The following FGD6 variants were observed in gnomAD, a reference collection of about 807,000 sequenced individuals.
The protein encoded by FGD6 is FYVE, RhoGEF and PH domain containing 6, also known as FYVE, RhoGEF and PH domain-containing protein 6.
Under a neutral mutation model 149.4 loss-of-function variants are expected in FGD6, and 90 were observed. The observed-to-expected ratio is 0.60, with a 90% CI of 0.51 to 0.72. FGD6 has a LOEUF of 0.72. Ranked by LOEUF, FGD6 falls within the 30% of genes least tolerant of loss-of-function variation. FGD6 has a pLI of 0.00. For missense variants in FGD6, 1,437 were observed against 1,684.8 expected, an observed-to-expected ratio of 0.85 and a Z score of 2.57; for synonymous variants, 527 against 584.0, an observed-to-expected ratio of 0.90 and a Z score of 1.41.
chr12:95,108,668 A>C, intron 9 of FGD6, 107 bp from the exon 10 acceptor site: 1 of 1,255,212 alleles, frequency 8.0e-7, no homozygotes, highest in Non-Finnish European at 1.1e-6. Context: ...ATAGCAACCA[A>C]CCTCTGGAGG....
intron 8 of FGD6, among the ~76,000 whole-genome samples, chr12:95,116,183 A>G (rs1305065250): frequency 1.3e-5 from 2 of 152,204 alleles, no homozygotes; most frequent in South Asian, 2.1e-4. Flanking sequence ...TGCATTCAAT[A>G]TATTACATAA....
At chr12:95,193,910 A>G (rs1881666457) in intron 2 of FGD6, among the ~76,000 whole-genome samples, 1 of 151,534 alleles carries the variant, frequency 6.6e-6, no homozygotes. Context: ...GTTACATTTT[A>G]TTTTCTACTT....
chr12:95,135,108 C>T (rs1005999457), intron 7 of FGD6, among the ~76,000 whole-genome samples: 2 of 152,168 alleles, frequency 1.3e-5, no homozygotes, highest in South Asian at 2.1e-4. Context: ...TAGCCACAGT[C>T]TGTGTCCTAG....
chr12:95,126,524 T>C, intron 8 of FGD6: 1 of 460,718 alleles, frequency 2.2e-6, no homozygotes, highest in Non-Finnish European at 3.9e-6. Flanking sequence ...AGGTCAGGAG[T>C]TTGAGAACAG....
chr12:95,165,066 C>T (rs1467274207), intron 3 of FGD6, among the ~76,000 whole-genome samples: 1 of 151,998 alleles, frequency 6.6e-6, no homozygotes, highest in Non-Finnish European at 1.5e-5. Context: ...AGCATTTAAG[C>T]CCTGAAAGGA....
chr12:95,153,041 G>A, intron 3 of FGD6, 48 bp from the exon 4 acceptor site: 1 of 1,539,720 alleles, frequency 6.5e-7, no homozygotes, highest in Non-Finnish European at 9.0e-7. Flanking sequence ...GAATAATGAA[G>A]ATCAGCTATG....
chr12:95,182,498 G>C (rs1383829054), intron 2 of FGD6, among the ~76,000 whole-genome samples: 1 of 152,114 alleles, frequency 6.6e-6, no homozygotes, highest in African/African-American at 2.4e-5. Flanking sequence ...ACCTTGCCCA[G>C]CCTATACATA....
chr12:95,121,475 ATATATG>A (rs1310218629), intron 8 of FGD6, among the ~76,000 whole-genome samples: 4,500 of 54,638 alleles, frequency 0.082, 187 homozygotes, highest in African/African-American at 0.24. Context: ...ATATATATAT[ATATATG>A]TATATATATA....
chr12:95,142,457 T>C (rs1017048372), intron 5 of FGD6, among the ~76,000 whole-genome samples: 1 of 152,086 alleles, frequency 6.6e-6, no homozygotes, highest in Non-Finnish European at 1.5e-5. Context: ...TTTCTATTTT[T>C]TGTAGAGACA....
At position 95,089,720 on chromosome 12, in the gene FGD6, T is replaced by A; in HGVS notation, c.3851-24A>T. On this transcript the variant is annotated intron_variant, in intron 17 of 20. Coordinates refer to ENST00000343958, the MANE Select transcript of FGD6 (RefSeq NM_018351.4). Reference sequence around the variant, plus strand: ...ATCTAGAACAAATCAGGCATGCTTATGTAGGCAATGCTCAGCATTTTGCAA... The same window carrying A: ...ATCTAGAACAAATCAGGCATGCTTAAGTAGGCAATGCTCAGCATTTTGCAA... The A allele has an allele frequency of 1.9e-6, 3 of 1,610,894 alleles. No individual in the cohort carries two copies. The South Asian group carries it at 3.3e-5, about 18-fold the overall frequency.
chr12:95,091,742 AC>A lies in FGD6; in HGVS notation c.3814del (p.Val1272TyrfsTer12). The A allele has an allele frequency of 6.2e-7, 1 of 1,613,516 alleles. No homozygotes were observed. Among genetic ancestry groups the A allele is most frequent in the Non-Finnish European group, 8.5e-7 (1 of 1,179,884 alleles). On this transcript the variant is annotated frameshift_variant, in exon 17 of 21. Coordinates refer to ENST00000343958, the MANE Select transcript of FGD6 (RefSeq NM_018351.4). LOFTEE classifies it high-confidence loss of function. ...CAGTTCTTGGAAACAATGTTCACAT[AC>A]TCTTGCTGGTTGATTTTTCAGGTAA... ...LDYLKNQPAR[V>X]CEHCFQELQK...
intron 14 of FGD6, among the ~76,000 whole-genome samples, chr12:95,104,327 A>G (rs1213673606): frequency 6.6e-6 from 1 of 152,204 alleles, no homozygotes; most frequent in Non-Finnish European, 1.5e-5. Flanking sequence ...AGGCCGGCAC[A>G]GTGACTCACA....
rs1362195710 is a variant in FGD6 at position 95,081,131 on chromosome 12, G to C, written c.*389C>G. The C allele has an allele frequency of 1.3e-5, 2 of 153,846 alleles. No individual in the cohort carries two copies. Among genetic ancestry groups the C allele is most frequent in the African/African-American group, 4.8e-5 (2 of 41,486 alleles). The allele number at this position is 153,846 out of a possible 1,614,324, so 9.5% of individuals were successfully genotyped here. ...TTTGTGGAAATTTGCTCCTTGCTAT[G>C]TGTTTTTTCCTTACAAAGACTTTCC... is the stretch of plus-strand genomic sequence containing the variant. On this transcript the variant is annotated 3_prime_UTR_variant, in exon 21 of 21. Transcript: ENST00000343958.
intron 2 of FGD6, among the ~76,000 whole-genome samples, chr12:95,198,641 G>A (rs1036801326): frequency 1.3e-5 from 2 of 152,074 alleles, no homozygotes; most frequent in Non-Finnish European, 2.9e-5. Flanking sequence ...GGGTTTCACC[G>A]TGTTAGCCAG....
At chr12:95,212,187 A>G (rs2056730949) in intron 1 of FGD6, among the ~76,000 whole-genome samples, 1 of 152,184 alleles carries the variant, frequency 6.6e-6, no homozygotes, top group African/African-American at 2.4e-5. Context: ...CTATTTTTTA[A>G]AAAGTCACAT....
intron 14 of FGD6, 89 bp from the exon 15 acceptor site, chr12:95,094,783 C>T: frequency 1.1e-6 from 1 of 907,970 alleles, no homozygotes; most frequent in South Asian, 1.4e-5. Flanking sequence ...CAACAGATCC[C>T]ACCACCCTCC....
chr12:95,112,632 C>T (rs1301290078), intron 9 of FGD6, among the ~76,000 whole-genome samples: 1 of 152,066 alleles, frequency 6.6e-6, no homozygotes, highest in Non-Finnish European at 1.5e-5. Context: ...ATACCTGTGA[C>T]ATTTGAAAGA....
intron 9 of FGD6, among the ~76,000 whole-genome samples, chr12:95,113,092 G>A (rs570617041): frequency 6.6e-5 from 10 of 152,186 alleles, no homozygotes; most frequent in African/African-American, 2.2e-4. Context: ...CTTCACAGTC[G>A]CAAGAGGCTG....
intron 12 of FGD6, 32 bp downstream of exon 12, chr12:95,107,531 C>G: frequency 6.2e-7 from 1 of 1,609,910 alleles, no homozygotes; most frequent in Non-Finnish European, 8.5e-7. Flanking sequence ...ATCCCTACCT[C>G]GGCCACATCA....
Sources: gnomAD v4.1 joint callset for allele counts (sites outside exome capture counted in the v4.1 genomes callset) on GRCh38, gnomAD v4.1.1 for gene constraint, MANE v1.5 for transcripts, NCBI Gene and HGNC (gene_info 2026-07-23, HGNC 2026-07-21) for gene names.